The following NRG1 variants were observed in gnomAD, a reference collection of about 807,000 sequenced individuals.
NRG1 encodes pro-neuregulin-1, membrane-bound isoform.
Under a neutral mutation model 63.8 loss-of-function variants are expected in NRG1, and 18 were observed. The observed-to-expected ratio is 0.28, with a 90% confidence interval of 0.19 to 0.42. The LOEUF is 0.42. Among genes scored for constraint, NRG1 ranks in the 10% least tolerant of loss-of-function variants. The pLI is 1.00. For missense variants in NRG1, 762 were observed against 814.7 expected (o/e 0.94, Z 0.79); for synonymous variants, 302 against 301.3 (o/e 1.00, Z -0.02).
chr8:32,350,463 C>T (rs1415860271), intron 1 of NRG1, among the ~76,000 whole-genome samples: 1 of 152,064 alleles, frequency 6.6e-6, no homozygotes, highest in African/African-American at 2.4e-5. Context: ...TAACAAAGTC[C>T]CATTTCTGGT....
At chr8:32,472,625 TG>T (rs1823997292) in intron 1 of NRG1, among the ~76,000 whole-genome samples, 1 of 152,256 alleles carries the variant, frequency 6.6e-6, no homozygotes, top group Non-Finnish European at 1.5e-5. Flanking sequence ...CTACAAGTCC[TG>T]TTTTGGTGAC....
At chr8:32,514,696 A>G (rs1829611691) in intron 1 of NRG1, among the ~76,000 whole-genome samples, 1 of 152,182 alleles carries the variant, frequency 6.6e-6, no homozygotes, top group Admixed American at 6.5e-5. Flanking sequence ...ATTTTGGGTC[A>G]GGTGGATTAC....
In NRG1 at chr8:32,480,241, T is replaced by A. The variant is rs892085157; in HGVS notation, c.38-115587T>A. Among the ~76,000 whole-genome samples, 15 of 151,618 alleles carry A rather than the reference T, an allele frequency of 9.9e-5. No homozygotes were observed. The South Asian group carries it at 1.5e-3, about 15-fold the overall frequency. ...AATGATCTCACCTATATGTGGAATC[T>A]AAAAAAAAGTCAGCCTCATGGAAAC... On this transcript the variant is annotated intron_variant, in intron 1 of 10. Coordinates refer to the NRG1 transcript ENST00000519301.
chr8:32,670,294 A>G (rs1450857786), intron 5 of NRG1, among the ~76,000 whole-genome samples: 3 of 152,128 alleles, frequency 2.0e-5, no homozygotes, highest in Non-Finnish European at 4.4e-5. Context: ...AGTTTGAGGG[A>G]AAAAGAGAGA....
At chr8:31,838,089 C>T (rs908904606) in intron 1 of NRG1, among the ~76,000 whole-genome samples, 57 of 152,062 alleles carry the variant, frequency 3.7e-4, no homozygotes, top group Admixed American at 2.8e-3. Context: ...TTCCCACGAG[C>T]AGTGTATAGG....
intron 5 of NRG1, among the ~76,000 whole-genome samples, chr8:32,720,914 A>G (rs901780533): frequency 2.6e-5 from 4 of 152,198 alleles, no homozygotes; most frequent in African/African-American, 9.6e-5. Flanking sequence ...TTGCTCAGCC[A>G]CTGCTGGGAA....
At chr8:31,915,024 C>T (rs16878421) in intron 1 of NRG1, among the ~76,000 whole-genome samples, 21,460 of 151,514 alleles carry the variant, frequency 0.14, 1,979 homozygotes, top group Non-Finnish European at 0.19. Context: ...TTGTTTGGGA[C>T]ATTTTTTGTA....
At chr8:31,702,124 C>A (rs1357969236) in intron 1 of NRG1, among the ~76,000 whole-genome samples, 1 of 152,202 alleles carries the variant, frequency 6.6e-6, no homozygotes, top group Non-Finnish European at 1.5e-5. Flanking sequence ...TTTCTACTGT[C>A]ACTGGGCTTA....
At chr8:32,423,048 A>G (rs1472095040) in intron 1 of NRG1, among the ~76,000 whole-genome samples, 1 of 152,184 alleles carries the variant, frequency 6.6e-6, no homozygotes, top group Non-Finnish European at 1.5e-5. Flanking sequence ...CTCCCCATGA[A>G]AGAGAGATTG....
intron 1 of NRG1, among the ~76,000 whole-genome samples, chr8:31,711,867 G>A (rs1811788721): frequency 6.6e-6 from 1 of 152,114 alleles, no homozygotes; most frequent in Admixed American, 6.5e-5. Context: ...GAAACCTTCG[G>A]GTTCTCTTTT....
At chr8:32,680,222 G>A (rs1209595669) in intron 5 of NRG1, among the ~76,000 whole-genome samples, 1 of 152,080 alleles carries the variant, frequency 6.6e-6, no homozygotes, top group East Asian at 1.9e-4. Context: ...CACCGTGGGT[G>A]GAATGGAAAA....
intron 1 of NRG1, among the ~76,000 whole-genome samples, chr8:32,447,767 G>C (rs372487122): frequency 2.6e-5 from 4 of 151,854 alleles, no homozygotes; most frequent in South Asian, 2.1e-4. Context: ...CAGCTACATG[G>C]AGGGCTGAGG....
intron 1 of NRG1, among the ~76,000 whole-genome samples, chr8:32,360,083 A>G (rs932775060): frequency 6.6e-6 from 1 of 152,222 alleles, no homozygotes; most frequent in Non-Finnish European, 1.5e-5. Context: ...AAGAATAAAC[A>G]TGATAATTTC....
chr8:31,713,445 G>T (rs1812030173), intron 1 of NRG1, among the ~76,000 whole-genome samples: 1 of 152,044 alleles, frequency 6.6e-6, no homozygotes, highest in Non-Finnish European at 1.5e-5. Context: ...ACATGGTGAG[G>T]TGTTGCATAT....
At chr8:32,050,094 CA>C (rs1294636830) in intron 1 of NRG1, among the ~76,000 whole-genome samples, 2 of 151,590 alleles carry the variant, frequency 1.3e-5, no homozygotes, top group Non-Finnish European at 2.9e-5. Context: ...TATGTGGTAA[CA>C]AAAAATAAGG....
intron 1 of NRG1, among the ~76,000 whole-genome samples, chr8:32,188,115 G>C (rs1371804839): frequency 6.6e-6 from 1 of 151,482 alleles, no homozygotes; most frequent in Admixed American, 6.6e-5. Context: ...TTCCCAGGCT[G>C]GAGTGCAATG....
At chr8:32,710,949 G>C (rs1352373219) in intron 5 of NRG1, among the ~76,000 whole-genome samples, 1 of 152,188 alleles carries the variant, frequency 6.6e-6, no homozygotes, top group East Asian at 1.9e-4. Flanking sequence ...CTTCTGCTAA[G>C]TATGCACAAC....
At chr8:32,231,342 A>C (rs1846916137) in intron 1 of NRG1, among the ~76,000 whole-genome samples, 1 of 152,160 alleles carries the variant, frequency 6.6e-6, no homozygotes, top group Non-Finnish European at 1.5e-5. Flanking sequence ...ATTTTATAGA[A>C]CATTATTAAC....
rs145044230 is a variant in NRG1, at chr8:32,688,036, C to A, written c.503-39913C>A. On this transcript the variant is annotated intron_variant, in intron 5 of 11. Coordinates refer to ENST00000356819, the Ensembl canonical transcript of NRG1. ...GTATGGACAAATATCCAAACTATAT[C>A]AGGTGGTTACTGTAGAGAAGGGGAG... Among the ~76,000 whole-genome samples the A allele has an allele frequency of 6.6e-3, 998 of 152,228 alleles. 5 individuals carry two copies. The highest frequency in any genetic ancestry group is 0.011 in the South Asian group (55 of 4,820).
Sources: gnomAD v4.1 joint callset for allele counts (sites outside exome capture counted in the v4.1 genomes callset) on GRCh38, gnomAD v4.1.1 for gene constraint, MANE v1.5 for transcripts, NCBI Gene and HGNC (gene_info 2026-07-23, HGNC 2026-07-21) for gene names.